PDGFD: variants seen among roughly 807,000 people sequenced by gnomAD.
The protein encoded by PDGFD is platelet derived growth factor D, also known as platelet-derived growth factor D.
A neutral mutation model predicts 44.7 loss-of-function variants in PDGFD; 30 were observed. That is an observed-to-expected ratio of 0.67 (90% CI 0.50 to 0.91). The LOEUF is 0.91. Among genes scored for constraint, PDGFD ranks in the 40% least tolerant of loss-of-function variants. The probability of loss-of-function intolerance (pLI) is 0.00; values close to 1 mark genes in which losing one functional copy is unlikely to be tolerated. For missense variants in PDGFD, 445 were observed against 457.8 expected, an observed-to-expected ratio of 0.97 and a Z score of 0.25; for synonymous variants, 173 against 168.4, an observed-to-expected ratio of 1.03 and a Z score of -0.21.
At chr11:104,160,202 T>C (rs974591119) in intron 1 of PDGFD, among the ~76,000 whole-genome samples, 1 of 152,182 alleles carries the variant, frequency 6.6e-6, no homozygotes, top group African/African-American at 2.4e-5. Context: ...TTACTAGAAC[T>C]GCAGGCCTAT....
rs201819714 is a variant in PDGFD, at chr11:103,985,202, TAC to T, written c.510+10861_510+10862del. ...TTATTTAATATATAATATATATTAATACACACACATATTTTTTGAGACAAGGT... is the reference window on the plus strand; with the variant it reads ...TTATTTAATATATAATATATATTAATACACACATATTTTTTGAGACAAGGT... On this transcript the variant is annotated intron_variant, in intron 3 of 6. Coordinates refer to ENST00000393158, the MANE Select transcript of PDGFD (RefSeq NM_025208.5). Among the ~76,000 whole-genome samples the T allele has an allele frequency of 1.6e-3, 221 of 134,448 alleles. 4 individuals are homozygous for T. The highest frequency in any genetic ancestry group is 2.9e-3 in the Non-Finnish European group (171 of 59,658). The allele number at this position is 134,448 out of a possible 152,430, so 88.2% of individuals were successfully genotyped here. A position where few individuals can be genotyped will look rare whatever the true frequency, so the allele number is the denominator to read the frequency against.
At chr11:104,025,694 G>T (rs1461933877) in intron 1 of PDGFD, among the ~76,000 whole-genome samples, 1 of 152,146 alleles carries the variant, frequency 6.6e-6, no homozygotes, top group Non-Finnish European at 1.5e-5. Context: ...AGACCCAAGG[G>T]CACTGGAAAG....
At chr11:103,953,798 AC>A (rs1294452628) in intron 3 of PDGFD, among the ~76,000 whole-genome samples, 2 of 152,246 alleles carry the variant, frequency 1.3e-5, no homozygotes, top group Admixed American at 1.3e-4. Flanking sequence ...TCTTGTAGAT[AC>A]GTTTCTCACC....
chr11:104,084,998 C>G (rs1412530996), intron 1 of PDGFD, among the ~76,000 whole-genome samples: 2 of 149,592 alleles, frequency 1.3e-5, no homozygotes, highest in African/African-American at 4.9e-5. Flanking sequence ...ACCCCAACTT[C>G]CCCCAATGAT....
intron 3 of PDGFD, among the ~76,000 whole-genome samples, chr11:103,954,852 G>A (rs1858812640): frequency 6.6e-6 from 1 of 151,994 alleles, no homozygotes; most frequent in Non-Finnish European, 1.5e-5. Context: ...AAAGACAAAG[G>A]GGTTTGTTAA....
intron 1 of PDGFD, among the ~76,000 whole-genome samples, chr11:104,023,290 C>G (rs1565312889): frequency 6.6e-6 from 1 of 152,126 alleles, no homozygotes; most frequent in Non-Finnish European, 1.5e-5. Flanking sequence ...AACTTCTTTG[C>G]TCTAATGCAT....
intron 6 of PDGFD, among the ~76,000 whole-genome samples, chr11:103,917,436 A>T (rs892529771): frequency 1.3e-5 from 2 of 152,224 alleles, no homozygotes; most frequent in African/African-American, 4.8e-5. Flanking sequence ...TCTAATATAC[A>T]TAGTCAGATT....
intron 5 of PDGFD, among the ~76,000 whole-genome samples, chr11:103,931,867 G>T (rs1367124219): frequency 6.6e-6 from 1 of 152,142 alleles, no homozygotes; most frequent in East Asian, 1.9e-4. Context: ...CTCTTAGCAG[G>T]CATGCAGCAG....
At chr11:104,110,372 T>C (rs113410749) in intron 1 of PDGFD, among the ~76,000 whole-genome samples, 6 of 146,284 alleles carry the variant, frequency 4.1e-5, no homozygotes, top group African/African-American at 1.5e-4. Context: ...CCAACCCAAT[T>C]TGAATTCGAA....
chr11:104,119,661 T>TATATTAATAGATAATATATAA (rs1256674890), intron 1 of PDGFD, among the ~76,000 whole-genome samples: 17 of 306 alleles, frequency 0.056, 1 homozygote, highest in East Asian at 0.5. Context: ...ATATATATAA[T>TATATTAATAGATAATATATAA]TATATATCGA....
chr11:104,053,780 C>T (rs1194418698), intron 1 of PDGFD, among the ~76,000 whole-genome samples: 1 of 152,162 alleles, frequency 6.6e-6, no homozygotes, highest in Non-Finnish European at 1.5e-5. Flanking sequence ...CAAAATAACA[C>T]ATGCTCTCTG....
Position 103,967,029 on chromosome 11 carries a change from G to T in PDGFD, c.511-19305C>A, listed in dbSNP as rs189078323. ...TTCATTCAAGCACTTTCAAACCATTGATATTTTTAGTCTAATACTTTCATA... is the reference window on the plus strand; with the variant it reads ...TTCATTCAAGCACTTTCAAACCATTTATATTTTTAGTCTAATACTTTCATA... On this transcript the variant is annotated intron_variant, in intron 3 of 6. Coordinates refer to ENST00000393158, the MANE Select transcript of PDGFD (RefSeq NM_025208.5). Among the ~76,000 whole-genome samples the T allele has an allele frequency of 5.9e-5, 9 of 152,234 alleles. No homozygotes were observed. In the East Asian group the frequency reaches 1.7e-3, roughly 29 times the overall value.
chr11:104,150,601 T>C (rs991418680), intron 1 of PDGFD, among the ~76,000 whole-genome samples: 1 of 152,132 alleles, frequency 6.6e-6, no homozygotes, highest in Non-Finnish European at 1.5e-5. Flanking sequence ...GGACCCAAAT[T>C]AAGGTGTTGG....
In PDGFD at chr11:103,943,567, T is replaced by C; in HGVS notation, c.657A>G (p.Thr219=). The C allele has an allele frequency of 1.2e-6, 2 of 1,613,382 alleles. No homozygotes were observed. The highest frequency in any genetic ancestry group is 1.7e-6 in the Non-Finnish European group (2 of 1,179,604). Residue 219 remains threonine (T), a synonymous_variant, in exon 5 of 7, where the codon ACA becomes ACG. Transcript: ENST00000393158. ...ALDKKIAEFD[T]VEDLLKYFNP... ...TGAAGTACTTGAGCAGATCTTCCAC[T>C]GTATCAAATTCTGCAATTTTTTTGT... is the stretch of plus-strand genomic sequence containing the variant.
intron 1 of PDGFD, among the ~76,000 whole-genome samples, chr11:104,064,281 T>A (rs548598335): frequency 2.6e-4 from 40 of 152,348 alleles, no homozygotes; most frequent in Non-Finnish European, 4.4e-4. Flanking sequence ...CCATGTGATA[T>A]ATACATCGAC....
At chr11:104,067,259 G>T (rs1591147276) in intron 1 of PDGFD, among the ~76,000 whole-genome samples, 1 of 152,222 alleles carries the variant, frequency 6.6e-6, no homozygotes, top group East Asian at 1.9e-4. Flanking sequence ...GATCAAACAA[G>T]ACCTTGAGGT....
chr11:104,157,840 A>T (rs910594128), intron 1 of PDGFD, among the ~76,000 whole-genome samples: 1 of 152,250 alleles, frequency 6.6e-6, no homozygotes, highest in Non-Finnish European at 1.5e-5. Flanking sequence ...GAGGTAATGC[A>T]TATGGTCATT....
rs377686165 is a variant in PDGFD, at chr11:104,098,349, TAAG to T, written c.124+65452_124+65454del. 5.3e-5 allele frequency among the ~76,000 whole-genome samples: 8 copies of T among 152,122 alleles called. No individual in the cohort carries two copies. The East Asian group carries it at 1.5e-3, about 29-fold the overall frequency. Reference sequence around the variant, plus strand: ...TTTCCAGAATAGATGAAAGCAAAAGTAAGAAGAGGAAGAGAAATACAAGGTGTC... The same window carrying T: ...TTTCCAGAATAGATGAAAGCAAAAGTAAGAGGAAGAGAAATACAAGGTGTC... On this transcript the variant is annotated intron_variant, in intron 1 of 6. Coordinates refer to ENST00000393158, the MANE Select transcript of PDGFD (RefSeq NM_025208.5).
rs79166597 is a variant in PDGFD, at chr11:104,053,355, C to T, written c.125-53100G>A. 6.2e-3 allele frequency among the ~76,000 whole-genome samples: 942 copies of T among 152,130 alleles called. 8 individuals carry two copies. The highest frequency in any genetic ancestry group is 0.021 in the African/African-American group (879 of 41,492). On this transcript the variant is annotated intron_variant, in intron 1 of 6. Transcript: ENST00000393158. The stretch of plus-strand genomic sequence containing the variant: ...CCATGCAAAATAACTGAAATTTAAC[C>T]CTTTGCATGTGTGTATCTTTTCATA...
Sources: gnomAD v4.1 joint callset for allele counts (sites outside exome capture counted in the v4.1 genomes callset) on GRCh38, gnomAD v4.1.1 for gene constraint, MANE v1.5 for transcripts, NCBI Gene and HGNC (gene_info 2026-07-23, HGNC 2026-07-21) for gene names.